PRR5: variants seen among roughly 807,000 people sequenced by gnomAD.
The protein encoded by PRR5 is proline rich 5.
In PRR5, 25 loss-of-function variants were observed where a neutral mutation model predicts 30.6. That is an observed-to-expected ratio of 0.82 (90% CI 0.60 to 1.14). The LOEUF (loss-of-function observed/expected upper bound fraction) is 1.14, where lower values mean the gene tolerates loss of function less well. Among genes scored for constraint, PRR5 ranks in the 50% most tolerant of loss-of-function variants. PRR5 has a pLI of 0.00. For synonymous variants in PRR5, 286 were observed against 247.1 expected (o/e 1.16, Z -1.48); for missense variants, 600 against 547.1 (o/e 1.10, Z -0.96).
intron 6 of PRR5, among the ~76,000 whole-genome samples, chr22:44,732,718 CACGT>C (rs1922265196): frequency 2.0e-5 from 3 of 151,728 alleles, no homozygotes; most frequent in Admixed American, 2.0e-4. Context: ...ACATAGTATG[CACGT>C]GCACATGCAT....
At chr22:44,718,851 T>G (rs1314320318) in intron 2 of PRR5, among the ~76,000 whole-genome samples, 2 of 152,228 alleles carry the variant, frequency 1.3e-5, no homozygotes, top group Non-Finnish European at 2.9e-5. Flanking sequence ...GTTATTTGTC[T>G]TTGTATTATT....
At chr22:44,674,716 C>CT (rs1243258852), upstream of PRR5, among the ~76,000 whole-genome samples, 1 of 149,494 alleles carries the variant, frequency 6.7e-6, no homozygotes, top group Non-Finnish European at 1.5e-5. Context: ...GAGACTCCGT[C>CT]TAAAAAAAAA....
Position 44,737,030 on chromosome 22 carries a change from C to T in PRR5, c.950C>T (p.Pro317Leu). 1 of 1,602,828 alleles carries T rather than the reference C, an allele frequency of 6.2e-7. No individual in the cohort carries two copies. The highest frequency in any genetic ancestry group is 2.2e-5 in the East Asian group (1 of 44,586). Residue 317 changes from proline (P) to leucine (L), a missense_variant, in exon 8 of 8, where the codon CCC becomes CTC. Physicochemically the swap from Pro to Leu is moderately conservative, Grantham distance 98. Coordinates refer to ENST00000336985, the MANE Select transcript of PRR5 (RefSeq NM_181333.4). Reference protein sequence around the residue: ...FRSSPAPHSGPCPSRLYPTTQ... With the variant: ...FRSSPAPHSGLCPSRLYPTTQ... Reference sequence around the variant, plus strand: ...TCCTCCCCGGCGCCCCACTCAGGGCCCTGCCCCAGCAGACTGTACCCCACG... The same window carrying T: ...TCCTCCCCGGCGCCCCACTCAGGGCTCTGCCCCAGCAGACTGTACCCCACG...
chr22:44,671,631 G>A (rs1923431787), intron 1 of PRR5, among the ~76,000 whole-genome samples: 1 of 151,976 alleles, frequency 6.6e-6, no homozygotes, highest in Non-Finnish European at 1.5e-5. Context: ...GACTAAAGCT[G>A]GGAAAATTGC....
chr22:44,703,965 G>A (rs766844718), intron 1 of PRR5, among the ~76,000 whole-genome samples: 1 of 152,166 alleles, frequency 6.6e-6, no homozygotes, highest in African/African-American at 2.4e-5. Flanking sequence ...GTGATTTAGA[G>A]GAAAGAGTTA....
chr22:44,675,141 T>A (rs562236032), upstream of PRR5, among the ~76,000 whole-genome samples: 1 of 149,544 alleles, frequency 6.7e-6, no homozygotes, highest in Non-Finnish European at 1.5e-5. Flanking sequence ...TCCCAGCTAC[T>A]CAGGAGGCTG....
At chr22:44,728,829 CT>C (rs1174478932) in intron 4 of PRR5, among the ~76,000 whole-genome samples, 2 of 152,224 alleles carry the variant, frequency 1.3e-5, no homozygotes, top group East Asian at 3.9e-4. Flanking sequence ...ACCTTGCCCC[CT>C]GCCCCTTCTC....
upstream of PRR5, among the ~76,000 whole-genome samples, chr22:44,675,028 C>T (rs147337693): frequency 4.7e-3 from 696 of 148,336 alleles, 10 homozygotes; most frequent in East Asian, 0.047. Context: ...GCGGGTGGAT[C>T]ACGAGATCAG....
intron 1 of PRR5, among the ~76,000 whole-genome samples, chr22:44,670,380 T>C (rs528342707): frequency 6.6e-6 from 1 of 152,312 alleles, no homozygotes; most frequent in East Asian, 1.9e-4. Context: ...TGAGTCAGGA[T>C]CCCAGCTCCA....
chr22:44,735,477 A>G (rs1244592827), intron 7 of PRR5, among the ~76,000 whole-genome samples: 1 of 152,142 alleles, frequency 6.6e-6, no homozygotes, highest in East Asian at 1.9e-4. Flanking sequence ...GAACATGCAA[A>G]TGCCGAAGCT....
intron 1 of PRR5, among the ~76,000 whole-genome samples, chr22:44,714,377 G>T (rs1928729398): frequency 6.6e-6 from 1 of 152,176 alleles, no homozygotes; most frequent in African/African-American, 2.4e-5. Flanking sequence ...AGGTCCTGCG[G>T]CAGTGACCAG....
upstream of PRR5, among the ~76,000 whole-genome samples, chr22:44,675,171 AC>A (rs1923660880): frequency 2.0e-5 from 3 of 150,152 alleles, no homozygotes; most frequent in South Asian, 6.3e-4. Flanking sequence ...AATGGCGTGA[AC>A]CCGGGAGGCA....
chr22:44,731,691 G>A (rs753321908), intron 4 of PRR5, 39 bp from the exon 5 acceptor site: 19 of 1,605,080 alleles, frequency 1.2e-5, no homozygotes, highest in East Asian at 4.5e-5. Flanking sequence ...ATCTGCCCGC[G>A]CCAGTCAGGC....
chr22:44,728,342 C>T (rs1214664007), intron 4 of PRR5, among the ~76,000 whole-genome samples: 2 of 152,232 alleles, frequency 1.3e-5, no homozygotes, highest in African/African-American at 2.4e-5. Flanking sequence ...TGGGGTTGAA[C>T]AGGCTCTGTC....
At position 44,685,570 on chromosome 22, in the gene PRR5, C is replaced by CCCCTCTCCCCAGTGAAAGCCACA. The variant is rs1569067184; in HGVS notation, c.-11+8357_-11+8379dup. On this transcript the variant is annotated intron_variant, in intron 1 of 8. Coordinates refer to the PRR5 transcript ENST00000006251. The stretch of plus-strand genomic sequence containing the variant: ...ACCCCTCTCGCCAGTGAAAGCCACA[C>CCCCTCTCCCCAGTGAAAGCCACA]CCCTCTCCCCAGTGAAAGCCACACC... Among the ~76,000 whole-genome samples the CCCCTCTCCCCAGTGAAAGCCACA allele has an allele frequency of 1.6e-4, 20 of 127,630 alleles. No homozygotes were observed. The East Asian group carries it at 5.6e-3, about 36-fold the overall frequency. 83.7% of individuals were successfully genotyped at this position (127,630 alleles called of 152,430 possible).
intron 1 of PRR5, among the ~76,000 whole-genome samples, chr22:44,678,460 G>A (rs1210358758): frequency 5.9e-5 from 9 of 151,614 alleles, no homozygotes; most frequent in East Asian, 1.9e-4. Context: ...GATTACAGGC[G>A]CCCGCCACCA....
chr22:44,697,865 A>C (rs1478183293), upstream of PRR5, among the ~76,000 whole-genome samples: 1 of 152,114 alleles, frequency 6.6e-6, no homozygotes, highest in African/African-American at 2.4e-5. Flanking sequence ...GAGTCGGGGC[A>C]GTGTGTTTAG....
Position 44,691,694 on chromosome 22 carries a change from A to C in PRR5, c.-10-10798A>C, listed in dbSNP as rs903761796. Among the ~76,000 whole-genome samples, 1 of 152,128 alleles carries C rather than the reference A, an allele frequency of 6.6e-6. No individual in the cohort carries two copies. Among genetic ancestry groups the C allele is most frequent in the Non-Finnish European group, 1.5e-5 (1 of 68,018 alleles). Reference sequence around the variant, plus strand: ...GAGGCTGAGGAAGGAGAATCGCTTGAACCTGGGAGGTAGAGGCTGCAGTGA... The same window carrying C: ...GAGGCTGAGGAAGGAGAATCGCTTGCACCTGGGAGGTAGAGGCTGCAGTGA... On this transcript the variant is annotated intron_variant, in intron 1 of 8. Transcript: ENST00000006251. This position sits in a 1 kb window ranked among gnomAD's most constrained non-coding sequence, Gnocchi z 4.4.
In PRR5 at chr22:44,702,684, G is replaced by A. The variant is rs1002050295; in HGVS notation, c.134+76G>A. 106 of 1,232,560 alleles carry A rather than the reference G, an allele frequency of 8.6e-5. 1 individual carries two copies. In the African/African-American group the frequency reaches 1.5e-3, roughly 17 times the overall value. 76.4% of individuals were successfully genotyped at this position (1,232,560 alleles called of 1,614,324 possible). A position where few individuals can be genotyped will look rare whatever the true frequency, so the allele number is the denominator to read the frequency against. On this transcript the variant is annotated intron_variant, in intron 1 of 7. Transcript: ENST00000336985. ...GACCCCTGAGCCGTCCGCGGGCTAG[G>A]GGCCGCCCCGAGCCAGGAACGCTGC...
Sources: gnomAD v4.1 joint callset for allele counts (sites outside exome capture counted in the v4.1 genomes callset) on GRCh38, gnomAD v4.1.1 for gene constraint, Gnocchi (gnomAD v3.1) non-coding constraint, MANE v1.5 for transcripts, NCBI Gene and HGNC (gene_info 2026-07-23, HGNC 2026-07-21) for gene names.